Variants in ADARB2 observed in about 807,000 individuals in gnomAD.
ADARB2 encodes adenosine deaminase RNA specific B2 (inactive), also known as inactive double-stranded RNA-specific editase B2.
Under a neutral mutation model 62.2 loss-of-function variants are expected in ADARB2, and 25 were observed. That is an observed-to-expected ratio of 0.40 (90% CI 0.29 to 0.56). ADARB2 has a LOEUF of 0.56. Ranked by LOEUF, ADARB2 falls within the 20% of genes least tolerant of loss-of-function variation. ADARB2 has a pLI of 0.43. For synonymous variants in ADARB2, 572 were observed against 500.8 expected (o/e 1.14, Z -1.90); for missense variants, 1,071 against 1,077.4 (o/e 0.99, Z 0.08).
chr10:1,228,197 A>G (rs941816537), intron 6 of ADARB2, among the ~76,000 whole-genome samples: 1 of 152,230 alleles, frequency 6.6e-6, no homozygotes, highest in Non-Finnish European at 1.5e-5. Flanking sequence ...TAAATATATG[A>G]CATCATCTAT....
chr10:1,212,577 T>C (rs1002451808), intron 7 of ADARB2, among the ~76,000 whole-genome samples: 1 of 152,184 alleles, frequency 6.6e-6, no homozygotes, highest in Non-Finnish European at 1.5e-5. Flanking sequence ...GGCTGTTGAC[T>C]GAGGGCCCCC....
chr10:1,406,354 C>A (rs138849677), intron 1 of ADARB2, among the ~76,000 whole-genome samples: 29 of 152,346 alleles, frequency 1.9e-4, no homozygotes, highest in Middle Eastern at 3.4e-3. Flanking sequence ...GCCAAGGTAC[C>A]TGCTTTCCAT....
In ADARB2 at chr10:1,217,085, G is replaced by T. The variant is rs772506968; in HGVS notation, c.1548C>A (p.Arg516=). The part of the protein sequence containing the change: ...HSSKHLVRKF[R]GHLRTKIESG... ...ACTCGATCTTGGTGCGCAGGTGCCC[G>T]CGGAACTTCCTGACGAGGTGTTTGC... The change falls in exon 7 of 10, where the codon CGC becomes CGA. Residue 516 remains arginine, a synonymous_variant. Transcript: ENST00000381312. 2 of 1,606,288 alleles carry T rather than the reference G, an allele frequency of 1.2e-6. No homozygotes were observed. Among genetic ancestry groups the T allele is most frequent in the Non-Finnish European group, 1.7e-6 (2 of 1,176,702 alleles).
intron 3 of ADARB2, among the ~76,000 whole-genome samples, chr10:1,310,646 G>A (rs930478858): frequency 6.6e-6 from 1 of 152,202 alleles, no homozygotes; most frequent in Non-Finnish European, 1.5e-5. Context: ...AGGCTGCTGC[G>A]CTCCAGTCGG....
At position 1,724,093 on chromosome 10, in the gene ADARB2, G is replaced by C. The variant is rs190004327; in HGVS notation, c.100+12958C>G. 3.5e-3 allele frequency among the ~76,000 whole-genome samples: 529 copies of C among 152,338 alleles called. 2 individuals carry two copies. Among genetic ancestry groups the C allele is most frequent in the Middle Eastern group, 6.8e-3 (2 of 294 alleles). Reference sequence around the variant, plus strand: ...AAGTCCTGACCTGTGGTGCCTCACAGTGTGACCATATTTGAAGATGGGGTC... The same window carrying C: ...AAGTCCTGACCTGTGGTGCCTCACACTGTGACCATATTTGAAGATGGGGTC... On this transcript the variant is annotated intron_variant, in intron 1 of 9. Transcript: ENST00000381312.
chr10:1,727,505 A>G (rs959129829), intron 1 of ADARB2, among the ~76,000 whole-genome samples: 7 of 152,148 alleles, frequency 4.6e-5, no homozygotes, highest in Admixed American at 2.0e-4. Context: ...CAAAAACGCA[A>G]TCAGTTTTCT....
intron 1 of ADARB2, among the ~76,000 whole-genome samples, chr10:1,437,420 A>G (rs1164591900): frequency 2.0e-5 from 3 of 151,622 alleles, no homozygotes; most frequent in African/African-American, 7.3e-5. Context: ...CAGGACACAC[A>G]TGCTTATGGT....
At chr10:1,463,502 G>A (rs138448581) in intron 1 of ADARB2, among the ~76,000 whole-genome samples, 138 of 152,318 alleles carry the variant, frequency 9.1e-4, no homozygotes, top group Middle Eastern at 3.4e-3. Flanking sequence ...CTTAAGAAGC[G>A]CGCGTATTCA....
At chr10:1,681,538 T>C (rs765679492) in intron 1 of ADARB2, among the ~76,000 whole-genome samples, 7 of 151,838 alleles carry the variant, frequency 4.6e-5, no homozygotes, top group Non-Finnish European at 1.0e-4. Context: ...TGGTCCTGGC[T>C]CTGCAATGAA....
chr10:1,327,748 C>T (rs1039248421), intron 3 of ADARB2, among the ~76,000 whole-genome samples: 1 of 129,148 alleles, frequency 7.7e-6, no homozygotes, highest in Non-Finnish European at 1.7e-5. Context: ...CACAGCGCCT[C>T]ACTGCACAGC....
chr10:1,236,229 C>T (rs1830866596), intron 5 of ADARB2, among the ~76,000 whole-genome samples: 1 of 8,242 alleles, frequency 1.2e-4, no homozygotes, highest in African/African-American at 9.0e-4. Flanking sequence ...TCGGTGTTTA[C>T]CCTCTGTCTC....
At chr10:1,581,825 GATGTGT>G (rs1475678290) in intron 1 of ADARB2, among the ~76,000 whole-genome samples, 490 of 47,948 alleles carry the variant, frequency 0.01, 3 homozygotes, top group Non-Finnish European at 0.018. Flanking sequence ...CTTAGAAATA[GATGTGT>G]GTGTGTGTGT....
chr10:1,409,134 TTGGCCCA>T (rs1832732520), intron 1 of ADARB2, among the ~76,000 whole-genome samples: 1 of 152,004 alleles, frequency 6.6e-6, no homozygotes, highest in South Asian at 2.1e-4. Context: ...TGAAGCACGC[TTGGCCCA>T]CGGAGCCCCC....
intron 1 of ADARB2, among the ~76,000 whole-genome samples, chr10:1,668,153 C>T (rs377041883): frequency 2.8e-4 from 42 of 152,342 alleles, no homozygotes; most frequent in Middle Eastern, 6.8e-3. Context: ...CCCCACCACT[C>T]GGCTGTCATC....
chr10:1,364,386 A>G (rs1832294947), intron 2 of ADARB2, among the ~76,000 whole-genome samples: 2 of 152,312 alleles, frequency 1.3e-5, no homozygotes, highest in South Asian at 4.1e-4. Flanking sequence ...ACTCACAGCT[A>G]GAGGCAGACA....
At chr10:1,184,272 T>G (rs1227258505) in intron 9 of ADARB2, among the ~76,000 whole-genome samples, 1 of 152,210 alleles carries the variant, frequency 6.6e-6, no homozygotes, top group African/African-American at 2.4e-5. Flanking sequence ...CTGGTTTTTC[T>G]GTTATTTGTT....
chr10:1,670,908 G>C (rs2119101547), intron 1 of ADARB2, among the ~76,000 whole-genome samples: 1 of 152,320 alleles, frequency 6.6e-6, no homozygotes, highest in East Asian at 1.9e-4. Context: ...GTCTGGAAGG[G>C]ACGGGGGCAG....
At position 1,477,086 on chromosome 10, in the gene ADARB2, G is replaced by A. The variant is rs147716292; in HGVS notation, c.101-97926C>T. ...TAGAGCACCTTCACAGCCACGCAAG[G>A]GCACCCTCCCACTGCGCAGCACTGC... On this transcript the variant is annotated intron_variant, in intron 1 of 9. Coordinates refer to ENST00000381312, the MANE Select transcript of ADARB2 (RefSeq NM_018702.4). The surrounding 1 kb of genome is among the most constrained non-coding windows in gnomAD (Gnocchi z 4.5). Among the ~76,000 whole-genome samples the A allele has an allele frequency of 3.9e-3, 595 of 152,156 alleles. 3 individuals carry two copies. Among genetic ancestry groups the A allele is most frequent in the Non-Finnish European group, 5.8e-3 (396 of 67,996 alleles).
rs569753787 is a variant in ADARB2 at position 1,355,335 on chromosome 10, C to G, written c.1077+7693G>C. Reference sequence around the variant, plus strand: ...CAGGCTGGAGTCTTGAGGATGAGCCCCAGCCCCACAGAAGCTGAGCTCTGC... The same window carrying G: ...CAGGCTGGAGTCTTGAGGATGAGCCGCAGCCCCACAGAAGCTGAGCTCTGC... On this transcript the variant is annotated intron_variant, in intron 3 of 9. Coordinates refer to ENST00000381312, the MANE Select transcript of ADARB2 (RefSeq NM_018702.4). Among the ~76,000 whole-genome samples the G allele has an allele frequency of 2.2e-4, 34 of 152,316 alleles. 1 individual carries two copies. The highest frequency in any genetic ancestry group is 1.0e-3 in the South Asian group (5 of 4,820).
Sources: allele counts gnomAD v4.1 joint callset (sites outside exome capture counted in the v4.1 genomes callset), GRCh38; gene constraint gnomAD v4.1.1; non-coding constraint Gnocchi (gnomAD v3.1); transcripts MANE v1.5; gene names NCBI Gene and HGNC (gene_info 2026-07-23, HGNC 2026-07-21).